CTDP1: variants seen among roughly 807,000 people sequenced by gnomAD.
CTDP1 encodes the protein RNA polymerase II subunit A C-terminal domain phosphatase.
CTDP1 carries 47 observed loss-of-function variants against 91.8 expected under a neutral mutation model. That is an observed-to-expected ratio of 0.51 (90% confidence interval 0.41 to 0.65). The LOEUF (loss-of-function observed/expected upper bound fraction) is 0.65, where lower values mean the gene tolerates loss of function less well. Ranked by LOEUF, CTDP1 falls within the 30% of genes least tolerant of loss-of-function variation. The probability of loss-of-function intolerance (pLI) is 0.00; values close to 1 mark genes in which losing one functional copy is unlikely to be tolerated. For synonymous variants in CTDP1, 656 were observed against 598.5 expected, an observed-to-expected ratio of 1.10 and a Z score of -1.40; for missense variants, 1,272 against 1,373.7, an observed-to-expected ratio of 0.93 and a Z score of 1.17.
chr18:79,730,662 T>G (rs2086547146), intron 11 of CTDP1, among the ~76,000 whole-genome samples: 1 of 152,094 alleles, frequency 6.6e-6, no homozygotes, highest in Admixed American at 6.5e-5. Context: ...CCAGAGGGTT[T>G]TATGTTCGTG....
chr18:79,706,859 G>A (rs2085977385), intron 5 of CTDP1, among the ~76,000 whole-genome samples: 2 of 152,366 alleles, frequency 1.3e-5, no homozygotes, highest in Admixed American at 1.3e-4. Flanking sequence ...CACACAAGGC[G>A]CACACCAGCG....
Position 79,719,338 on chromosome 18 carries a change from C to T in CTDP1, c.2417+1322C>T, listed in dbSNP as rs56978099. On this transcript the variant is annotated intron_variant, in intron 10 of 12. Coordinates refer to ENST00000613122, the MANE Select transcript of CTDP1 (RefSeq NM_004715.5). ...GATGTGGGCAGGTGCAGGGTGGCTG[C>T]GGGCAGCTGGGCCGGTGCGGGTGGC... 3.4e-3 allele frequency among the ~76,000 whole-genome samples: 519 copies of T among 151,466 alleles called. 4 individuals carry two copies. Among genetic ancestry groups the T allele is most frequent in the African/African-American group, 0.011 (458 of 41,314 alleles).
At position 79,735,023 on chromosome 18, in the gene CTDP1, G is replaced by A. The variant is rs146643400; in HGVS notation, c.2581-1332G>A. Among the ~76,000 whole-genome samples, 429 of 152,348 alleles carry A rather than the reference G, an allele frequency of 2.8e-3. 4 individuals are homozygous for A. Among genetic ancestry groups the A allele is most frequent in the African/African-American group, 8.0e-3 (332 of 41,578 alleles). On this transcript the variant is annotated intron_variant, in intron 11 of 12. Transcript: ENST00000613122. Reference sequence around the variant, plus strand: ...ACATGTGCTGTGACTAGCTGGACACGTGGCGATGAGTTTGAAATTGCAGAG... The same window carrying A: ...ACATGTGCTGTGACTAGCTGGACACATGGCGATGAGTTTGAAATTGCAGAG...
intron 10 of CTDP1, among the ~76,000 whole-genome samples, chr18:79,726,833 G>C (rs9949368): frequency 1.0e-5 from 1 of 96,964 alleles, no homozygotes; most frequent in African/African-American, 3.5e-5. Context: ...GGCTGTGGGG[G>C]ATGGGGGTGA....
At chr18:79,720,353 A>T (rs2086315786) in intron 10 of CTDP1, among the ~76,000 whole-genome samples, 1 of 131,908 alleles carries the variant, frequency 7.6e-6, no homozygotes, top group African/African-American at 2.9e-5. Context: ...CGTCCTGGTG[A>T]TGATGTCACC....
intron 10 of CTDP1, among the ~76,000 whole-genome samples, chr18:79,728,420 G>C (rs1040073461): frequency 4.6e-5 from 7 of 152,322 alleles, no homozygotes; most frequent in Admixed American, 4.6e-4. Context: ...TTTAATTTCA[G>C]CCCACTGACG....
At chr18:79,746,455 GT>G (rs1312507002) in intron 12 of CTDP1, among the ~76,000 whole-genome samples, 5 of 152,278 alleles carry the variant, frequency 3.3e-5, no homozygotes, top group African/African-American at 7.2e-5. Context: ...GGAGGTGGAG[GT>G]TGTGTTCGTT....
chr18:79,712,288 G>GT (rs1568192083), intron 6 of CTDP1, among the ~76,000 whole-genome samples: 2 of 152,070 alleles, frequency 1.3e-5, no homozygotes, highest in East Asian at 1.9e-4. Flanking sequence ...TCTGGTTTTT[G>GT]TTTTTTTGTT....
chr18:79,741,273 G>A (rs904008096), intron 12 of CTDP1, among the ~76,000 whole-genome samples: 2 of 152,204 alleles, frequency 1.3e-5, no homozygotes, highest in Admixed American at 6.6e-5. Context: ...TCCCCCGTGC[G>A]GTTGATCTCT....
intron 8 of CTDP1, 105 bp downstream of exon 8, chr18:79,715,633 A>C: frequency 8.5e-7 from 1 of 1,182,024 alleles, no homozygotes; most frequent in Non-Finnish European, 1.2e-6. Flanking sequence ...AATTTTCAGA[A>C]ACATTTCCCA....
intron 1 of CTDP1, among the ~76,000 whole-genome samples, chr18:79,689,650 G>A (rs2085578761): frequency 3.3e-5 from 5 of 152,126 alleles, no homozygotes; most frequent in African/African-American, 1.2e-4. Flanking sequence ...GCGTGATGGT[G>A]CGCACCTGCA....
chr18:79,734,289 G>A (rs969086016), intron 11 of CTDP1, among the ~76,000 whole-genome samples: 11 of 152,228 alleles, frequency 7.2e-5, no homozygotes, highest in Non-Finnish European at 7.3e-5. Flanking sequence ...CTGTAATGAA[G>A]AAAACTGTTT....
At chr18:79,742,448 T>G (rs547950154) in intron 12 of CTDP1, among the ~76,000 whole-genome samples, 2 of 152,258 alleles carry the variant, frequency 1.3e-5, no homozygotes, top group South Asian at 4.1e-4. Flanking sequence ...AAAGGCAGGG[T>G]TTTCCCAGAC....
At chr18:79,724,877 G>A (rs1163757324) in intron 10 of CTDP1, among the ~76,000 whole-genome samples, 8 of 152,126 alleles carry the variant, frequency 5.3e-5, no homozygotes, top group Admixed American at 1.3e-4. Context: ...CGCCGGCGCC[G>A]TCCTCCCTCC....
Position 79,712,954 on chromosome 18 carries a change from A to T in CTDP1, c.864-18A>T, listed in dbSNP as rs1332356558. 1.2e-6 allele frequency: 2 copies of T among 1,612,712 alleles called. No individual in the cohort carries two copies. The highest frequency in any genetic ancestry group is 3.3e-5 in the Admixed American group (2 of 60,006). ...TTTTCATTATTATTTTTTGTAAATT[A>T]TGCATTTTCACTTGTAGAAATCTCT... On this transcript the variant is annotated intron_variant, in intron 6 of 12. Transcript: ENST00000613122.
chr18:79,710,686 ATTTTTTTTTTTT>A (rs11306504), intron 6 of CTDP1, among the ~76,000 whole-genome samples: 4 of 88,504 alleles, frequency 4.5e-5, no homozygotes, highest in Admixed American at 1.6e-4. Flanking sequence ...TCGCCCGGCA[ATTTTTTTTTTTT>A]TTTTTTTTTT....
intron 12 of CTDP1, among the ~76,000 whole-genome samples, chr18:79,743,767 G>A (rs1434530327): frequency 6.6e-6 from 1 of 152,168 alleles, no homozygotes; most frequent in African/African-American, 2.4e-5. Context: ...CGAGATATAC[G>A]TATGCTAAAC....
rs575876875 is a variant in CTDP1, at chr18:79,731,409, A to G, written c.2580+2340A>G. ...GCCGTGGGGGATGCTGCTCCCACCCACACTGACAAGGGCTTCCCCGCCCCT... is the reference window on the plus strand; with the variant it reads ...GCCGTGGGGGATGCTGCTCCCACCCGCACTGACAAGGGCTTCCCCGCCCCT... On this transcript the variant is annotated intron_variant, in intron 11 of 12. Transcript: ENST00000613122. Among the ~76,000 whole-genome samples, 912 of 152,296 alleles carry G rather than the reference A, an allele frequency of 6.0e-3. 6 individuals carry two copies. Among genetic ancestry groups the G allele is most frequent in the Non-Finnish European group, 9.4e-3 (638 of 68,010 alleles).
At chr18:79,701,340 C>G (rs370611862) in intron 4 of CTDP1, among the ~76,000 whole-genome samples, 1 of 152,060 alleles carries the variant, frequency 6.6e-6, no homozygotes, top group East Asian at 1.9e-4. Flanking sequence ...GAAACCCTGT[C>G]TCTACTAAAA....
Sources: gnomAD v4.1 joint callset for allele counts (sites outside exome capture counted in the v4.1 genomes callset) on GRCh38, gnomAD v4.1.1 for gene constraint, MANE v1.5 for transcripts, NCBI Gene and HGNC (gene_info 2026-07-23, HGNC 2026-07-21) for gene names.